NRXN3: variants seen among roughly 807,000 people sequenced by gnomAD.
The protein encoded by NRXN3 is neurexin III.
Under a neutral mutation model 137.6 loss-of-function variants are expected in NRXN3, and 32 were observed. That is an observed-to-expected ratio of 0.23 (90% CI 0.18 to 0.31). The LOEUF (loss-of-function observed/expected upper bound fraction) is 0.31. Ranked by LOEUF, NRXN3 falls within the 10% of genes least tolerant of loss-of-function variation. The pLI, the probability that NRXN3 is intolerant of heterozygous loss-of-function variation, is 1.00. For missense variants in NRXN3, 1,574 were observed against 2,062.5 expected (o/e 0.76, Z 4.59); for synonymous variants, 798 against 784.5 (o/e 1.02, Z -0.29).
At chr14:79,804,684 C>T (rs1214821595) in intron 19 of NRXN3, among the ~76,000 whole-genome samples, 1 of 152,206 alleles carries the variant, frequency 6.6e-6, no homozygotes, top group East Asian at 1.9e-4. Context: ...CTTGAGACCA[C>T]ACACCATAAG....
intron 4 of NRXN3, among the ~76,000 whole-genome samples, chr14:78,435,839 C>A (rs114488611): frequency 1.3e-5 from 2 of 152,216 alleles, no homozygotes; most frequent in Non-Finnish European, 2.9e-5. Flanking sequence ...TTTCTGGATG[C>A]GTTTCATCAT....
intron 4 of NRXN3, among the ~76,000 whole-genome samples, chr14:78,556,549 A>C (rs1392375629): frequency 6.6e-6 from 1 of 152,246 alleles, no homozygotes; most frequent in Non-Finnish European, 1.5e-5. Flanking sequence ...TACTAAAATT[A>C]TGCTAAAGAT....
intron 15 of NRXN3, among the ~76,000 whole-genome samples, chr14:79,339,838 T>A (rs1365097580): frequency 2.0e-5 from 3 of 152,196 alleles, no homozygotes; most frequent in African/African-American, 7.2e-5. Context: ...GAAATTGGGA[T>A]GATCATACTT....
chr14:79,023,492 A>G (rs1395278757), intron 15 of NRXN3, among the ~76,000 whole-genome samples: 1 of 152,086 alleles, frequency 6.6e-6, no homozygotes, highest in Non-Finnish European at 1.5e-5. Flanking sequence ...AGGAAAAAAC[A>G]TTTGTGTTGG....
At chr14:78,683,356 G>A (rs1050020541) in intron 6 of NRXN3, among the ~76,000 whole-genome samples, 2 of 152,256 alleles carry the variant, frequency 1.3e-5, no homozygotes, top group African/African-American at 4.8e-5. Flanking sequence ...CCTCATACCT[G>A]TGACACTCAG....
chr14:79,828,858 T>G (rs991119831), intron 20 of NRXN3, among the ~76,000 whole-genome samples: 1 of 152,026 alleles, frequency 6.6e-6, no homozygotes, highest in African/African-American at 2.4e-5. Flanking sequence ...TTTTTACATC[T>G]GCCTAGCTGT....
At chr14:78,709,124 T>G in intron 6 of NRXN3, 93 bp from the exon 7 acceptor site, 1 of 1,227,218 alleles carries the variant, frequency 8.1e-7, no homozygotes, top group African/African-American at 1.5e-5. Flanking sequence ...CTGAAGCCTC[T>G]TTTTGGGTCA....
At chr14:79,290,834 A>G (rs1044712738) in intron 15 of NRXN3, among the ~76,000 whole-genome samples, 1 of 152,230 alleles carries the variant, frequency 6.6e-6, no homozygotes, top group African/African-American at 2.4e-5. Flanking sequence ...AGGAACTCCA[A>G]TTGCTTTGAA....
chr14:78,778,581 T>TA lies in NRXN3; in HGVS notation c.2045-25033dup, dbSNP rs199539043. ...TCCAGGGTTTTTGTTTGTTTCTTCT[T>TA]AAAAAACTATTTTACCAGAAAATAT... On this transcript the variant is annotated intron_variant, in intron 8 of 20. Coordinates refer to ENST00000335750, the MANE Select transcript of NRXN3 (RefSeq NM_001330195.2). 8.7e-3 allele frequency among the ~76,000 whole-genome samples: 1,325 copies of TA among 152,228 alleles called. 67 individuals are homozygous for TA. The highest frequency in any genetic ancestry group is 0.072 in the Admixed American group (1,098 of 15,292).
At chr14:79,630,860 A>G (rs2098337491) in intron 16 of NRXN3, among the ~76,000 whole-genome samples, 1 of 152,208 alleles carries the variant, frequency 6.6e-6, no homozygotes, top group South Asian at 2.1e-4. Context: ...AATCCCTAAT[A>G]TACCCGTATA....
intron 1 of NRXN3, among the ~76,000 whole-genome samples, chr14:78,241,995 A>T (rs2067142311): frequency 6.6e-6 from 1 of 152,184 alleles, no homozygotes; most frequent in African/African-American, 2.4e-5. Context: ...ATCTAGAAAA[A>T]AGTTAATGTC....
At chr14:78,836,289 C>T (rs1039307260) in intron 10 of NRXN3, among the ~76,000 whole-genome samples, 19 of 152,290 alleles carry the variant, frequency 1.2e-4, no homozygotes, top group Middle Eastern at 3.4e-3. Flanking sequence ...GACAGAAAAA[C>T]AACTTTCTCC....
intron 1 of NRXN3, among the ~76,000 whole-genome samples, chr14:78,182,345 G>A (rs1204251926): frequency 2.6e-5 from 4 of 152,112 alleles, no homozygotes; most frequent in African/African-American, 9.7e-5. Flanking sequence ...ATCCCACCGA[G>A]ATGTTTTTGC....
intron 15 of NRXN3, among the ~76,000 whole-genome samples, chr14:79,257,255 A>C (rs1466286145): frequency 6.6e-6 from 1 of 150,726 alleles, no homozygotes; most frequent in Admixed American, 6.7e-5. Flanking sequence ...AGTGGAGTGT[A>C]AGTAACAAGT....
At chr14:78,459,385 G>T (rs2094850517) in intron 4 of NRXN3, among the ~76,000 whole-genome samples, 1 of 152,182 alleles carries the variant, frequency 6.6e-6, no homozygotes, top group Admixed American at 6.5e-5. Context: ...TGTATGAGGT[G>T]CCCAGAAAAG....
intron 19 of NRXN3, among the ~76,000 whole-genome samples, chr14:79,714,883 T>C (rs150406266): frequency 7.6e-4 from 116 of 152,338 alleles, no homozygotes; most frequent in African/African-American, 2.6e-3. Context: ...CAATGCACTA[T>C]GAAAGGCGAT....
intron 16 of NRXN3, among the ~76,000 whole-genome samples, chr14:79,508,350 T>A (rs1292980594): frequency 2.0e-5 from 3 of 148,424 alleles, no homozygotes; most frequent in African/African-American, 4.9e-5. Context: ...TTGGGGGATA[T>A]CTTTTTTATA....
chr14:78,793,606 G>C (rs1036916341), intron 8 of NRXN3, among the ~76,000 whole-genome samples: 1 of 152,308 alleles, frequency 6.6e-6, no homozygotes, highest in East Asian at 1.9e-4. Context: ...TTCTCCAGCA[G>C]TGATGTGTGG....
At chr14:78,173,389 C>G (rs768958465) in intron 1 of NRXN3, among the ~76,000 whole-genome samples, 6 of 151,668 alleles carry the variant, frequency 4.0e-5, no homozygotes, top group Non-Finnish European at 8.8e-5. Flanking sequence ...ATACAGAAAT[C>G]CATCGGCACC....
Sources: allele counts gnomAD v4.1 joint callset (sites outside exome capture counted in the v4.1 genomes callset), GRCh38; gene constraint gnomAD v4.1.1; transcripts MANE v1.5; gene names NCBI Gene and HGNC (gene_info 2026-07-23, HGNC 2026-07-21).